Variants in RALGPS1 observed in about 807,000 individuals in gnomAD.
RALGPS1 encodes Ral GEF with PH domain and SH3 binding motif 1.
Under a neutral mutation model 78.8 loss-of-function variants are expected in RALGPS1, and 19 were observed. The observed-to-expected ratio is 0.24, with a 90% CI of 0.17 to 0.35. The LOEUF (loss-of-function observed/expected upper bound fraction) is 0.35. RALGPS1 is among the 10% of genes least tolerant of loss of function. The pLI is 1.00. For missense variants in RALGPS1, 454 were observed against 688.3 expected, an observed-to-expected ratio of 0.66 and a Z score of 3.81; for synonymous variants, 228 against 256.3, an observed-to-expected ratio of 0.89 and a Z score of 1.06.
intron 8 of RALGPS1, chr9:127,108,311 G>A (rs753419132): frequency 6.2e-6 from 10 of 1,613,856 alleles, no homozygotes; most frequent in Admixed American, 1.7e-5. Flanking sequence ...TCGTGCAGGA[G>A]CTGCATGTAG....
At chr9:127,094,813 T>C (rs2136537857) in intron 8 of RALGPS1, among the ~76,000 whole-genome samples, 1 of 152,360 alleles carries the variant, frequency 6.6e-6, no homozygotes, top group South Asian at 2.1e-4. Flanking sequence ...GGTTCTGTGA[T>C]TCTTTGTGAC....
intron 4 of RALGPS1, among the ~76,000 whole-genome samples, chr9:127,025,285 A>G (rs951734511): frequency 1.3e-5 from 2 of 152,222 alleles, no homozygotes; most frequent in Non-Finnish European, 2.9e-5. Flanking sequence ...TGATTTGTTC[A>G]TCGCCTCACC....
chr9:127,096,251 C>T (rs775516959), intron 8 of RALGPS1, among the ~76,000 whole-genome samples: 23 of 152,218 alleles, frequency 1.5e-4, no homozygotes, highest in Non-Finnish European at 3.1e-4. Context: ...GCTGAAGCCC[C>T]AGGGATGGAG....
At position 127,221,559 on chromosome 9, in the gene RALGPS1, C is replaced by T. The variant is rs1214922076; in HGVS notation, c.*2790C>T. ...CAGTCAGGTGCATTCTGGCAACTGA[C>T]ATACTTGATGGAGGATTGATTCGGT... On this transcript the variant is annotated 3_prime_UTR_variant, in exon 19 of 19. Transcript: ENST00000259351. The T allele has an allele frequency of 6.6e-6, 1 of 152,152 alleles. No homozygotes were observed. The highest frequency in any genetic ancestry group is 1.9e-4 in the East Asian group (1 of 5,196). 9.4% of individuals were successfully genotyped at this position (152,152 alleles called of 1,614,324 possible). A position where few individuals can be genotyped will look rare whatever the true frequency, so the allele number is the denominator to read the frequency against.
intron 14 of RALGPS1, among the ~76,000 whole-genome samples, chr9:127,203,587 G>A (rs1206895966): frequency 6.6e-6 from 1 of 152,156 alleles, no homozygotes; most frequent in African/African-American, 2.4e-5. Context: ...GGCTGGGGCA[G>A]GGTTGGGGGG....
chr9:127,086,001 G>A (rs970242824), intron 8 of RALGPS1, among the ~76,000 whole-genome samples: 2 of 152,136 alleles, frequency 1.3e-5, no homozygotes, highest in Non-Finnish European at 2.9e-5. Context: ...AATTGCTGCC[G>A]GGGTATTCTT....
intron 14 of RALGPS1, among the ~76,000 whole-genome samples, chr9:127,206,740 A>T (rs1241579237): frequency 1.3e-5 from 2 of 152,302 alleles, no homozygotes; most frequent in Non-Finnish European, 2.9e-5. Context: ...CTCCTAGCCC[A>T]GAAACAGGGA....
At chr9:127,182,350 C>CT (rs1394348574) in intron 11 of RALGPS1, among the ~76,000 whole-genome samples, 5 of 136,646 alleles carry the variant, frequency 3.7e-5, no homozygotes, top group Admixed American at 3.0e-4. Context: ...TCCTTCCTTC[C>CT]TCCCTTCCTT....
chr9:127,050,015 G>A, intron 5 of RALGPS1, 28 bp from the exon 6 acceptor site: 1 of 1,522,674 alleles, frequency 6.6e-7, no homozygotes, highest in Non-Finnish European at 9.1e-7. Flanking sequence ...GTGTGTATGT[G>A]TGTATGTGTG....
chr9:126,956,748 T>A (rs1332599653), intron 1 of RALGPS1, among the ~76,000 whole-genome samples: 4 of 152,216 alleles, frequency 2.6e-5, no homozygotes, highest in African/African-American at 9.7e-5. Context: ...CTCAGACACT[T>A]AAAGTTAATT....
chr9:127,007,360 G>GACACACAT (rs1338135443), intron 4 of RALGPS1, among the ~76,000 whole-genome samples: 1 of 152,204 alleles, frequency 6.6e-6, no homozygotes, highest in Non-Finnish European at 1.5e-5. Flanking sequence ...TTAGGCACCA[G>GACACACAT]ACACACATAG....
intron 7 of RALGPS1, among the ~76,000 whole-genome samples, chr9:127,054,796 T>C (rs1196455776): frequency 6.6e-6 from 1 of 152,036 alleles, no homozygotes; most frequent in Non-Finnish European, 1.5e-5. Flanking sequence ...CTAGACAACA[T>C]AGCAAGACCT....
chr9:127,045,795 A>G (rs984135677), intron 5 of RALGPS1, among the ~76,000 whole-genome samples: 20 of 138,700 alleles, frequency 1.4e-4, no homozygotes, highest in Admixed American at 7.8e-4. Context: ...ACACACACAC[A>G]CAATTTCTTG....
At chr9:127,026,462 A>G (rs953471277) in intron 4 of RALGPS1, among the ~76,000 whole-genome samples, 42 of 151,296 alleles carry the variant, frequency 2.8e-4, no homozygotes, top group African/African-American at 4.9e-4. Flanking sequence ...CATCATCACA[A>G]TTGGGTTGTT....
At chr9:127,151,493 G>A (rs1470340448) in intron 8 of RALGPS1, among the ~76,000 whole-genome samples, 3 of 152,202 alleles carry the variant, frequency 2.0e-5, no homozygotes, top group Non-Finnish European at 1.5e-5. Flanking sequence ...GAAGCAGGTG[G>A]GAAGGACAGC....
At chr9:127,048,563 T>A (rs1439934215) in intron 5 of RALGPS1, among the ~76,000 whole-genome samples, 1 of 152,206 alleles carries the variant, frequency 6.6e-6, no homozygotes, top group Non-Finnish European at 1.5e-5. Flanking sequence ...AGTTGTTGAC[T>A]CAGAGTTGCC....
intron 8 of RALGPS1, among the ~76,000 whole-genome samples, chr9:127,164,196 C>T (rs775545052): frequency 1.3e-5 from 2 of 151,992 alleles, no homozygotes; most frequent in Non-Finnish European, 2.9e-5. Context: ...TCCATGGGTA[C>T]CTGAAAAGAA....
intron 7 of RALGPS1, among the ~76,000 whole-genome samples, chr9:127,065,924 T>G (rs2049649216): frequency 2.0e-5 from 3 of 152,278 alleles, no homozygotes; most frequent in Non-Finnish European, 4.4e-5. Flanking sequence ...TGTCTTCTAG[T>G]GACTTATGCA....
At chr9:127,129,471 T>C (rs901086025) in intron 8 of RALGPS1, among the ~76,000 whole-genome samples, 1 of 152,180 alleles carries the variant, frequency 6.6e-6, no homozygotes, top group Non-Finnish European at 1.5e-5. Context: ...CTTACACAGG[T>C]ACCTGCTGAA....
Sources: allele counts gnomAD v4.1 joint callset (sites outside exome capture counted in the v4.1 genomes callset), GRCh38; gene constraint gnomAD v4.1.1; transcripts MANE v1.5; gene names NCBI Gene and HGNC (gene_info 2026-07-23, HGNC 2026-07-21).